The following EIF2B3 variants were observed in gnomAD, a reference collection of about 807,000 sequenced individuals.
EIF2B3 encodes the protein translation initiation factor eIF2B subunit gamma.
In EIF2B3, 20 loss-of-function variants were observed where a neutral mutation model predicts 54.1. The observed-to-expected ratio is 0.37, with a 90% CI of 0.26 to 0.54. The LOEUF (loss-of-function observed/expected upper bound fraction) is 0.54, where lower values mean the gene tolerates loss of function less well. EIF2B3 is among the 20% of genes least tolerant of loss of function. EIF2B3 has a pLI of 0.86. For synonymous variants in EIF2B3, 153 were observed against 188.1 expected, an observed-to-expected ratio of 0.81 and a Z score of 1.52; for missense variants, 448 against 547.8, an observed-to-expected ratio of 0.82 and a Z score of 1.82.
At chr1:44,918,024 C>T (rs1186935614) in intron 5 of EIF2B3, among the ~76,000 whole-genome samples, 1 of 149,232 alleles carries the variant, frequency 6.7e-6, no homozygotes, top group Non-Finnish European at 1.5e-5. Context: ...CCACCCGCCT[C>T]GGCCTCCCAA....
intron 8 of EIF2B3, among the ~76,000 whole-genome samples, chr1:44,879,097 G>C (rs1252309964): frequency 6.6e-6 from 1 of 152,010 alleles, no homozygotes; most frequent in Non-Finnish European, 1.5e-5. Flanking sequence ...TTACTGCTCT[G>C]CATTTCCTTT....
Position 44,981,111 on chromosome 1 carries a change from T to C in EIF2B3, c.58A>G (p.Thr20Ala). The C allele has an allele frequency of 6.2e-7, 1 of 1,613,222 alleles. No homozygotes were observed. Among genetic ancestry groups the C allele is most frequent in the Non-Finnish European group, 8.5e-7 (1 of 1,179,928 alleles). ...VGGGSRMTDLTSSIPKPLLPV... is the reference protein window; with the variant it reads ...VGGGSRMTDLASSIPKPLLPV... ...AGCAGAGGTTTGGGAATGCTGGAAGTTAGGTCTGTCATCCGAGATCCTCCA... is the reference window on the plus strand; with the variant it reads ...AGCAGAGGTTTGGGAATGCTGGAAGCTAGGTCTGTCATCCGAGATCCTCCA... The change falls in exon 2 of 12, where the codon ACT becomes GCT. Residue 20 changes from threonine to alanine, a missense_variant. Physicochemically the swap from Thr to Ala is moderately conservative, Grantham distance 58 (BLOSUM62 0). Around this residue, in one of 3 missense-constraint regions of EIF2B3, gnomAD observed 95 missense variants for 115.7 expected, o/e 0.82. Coordinates refer to ENST00000360403, the MANE Select transcript of EIF2B3 (RefSeq NM_020365.5).
At chr1:44,948,781 T>C (rs764895025) in intron 3 of EIF2B3, among the ~76,000 whole-genome samples, 99 of 152,276 alleles carry the variant, frequency 6.5e-4, no homozygotes, top group Non-Finnish European at 1.3e-3. Flanking sequence ...CTTCAAAATA[T>C]GACTCCACCT....
In EIF2B3 at chr1:44,952,237, A is replaced by G. The variant is rs1230844285; in HGVS notation, c.295-10572T>C. Among the ~76,000 whole-genome samples the G allele has an allele frequency of 4.6e-5, 5 of 109,076 alleles. 1 individual carries two copies. The highest frequency in any genetic ancestry group is 1.0e-4 in the Non-Finnish European group (5 of 48,764). The allele number at this position is 109,076 out of a possible 152,430, so 71.6% of individuals were successfully genotyped here. On this transcript the variant is annotated intron_variant, in intron 3 of 11. Coordinates refer to ENST00000360403, the MANE Select transcript of EIF2B3 (RefSeq NM_020365.5). The stretch of plus-strand genomic sequence containing the variant: ...CTCGGCCTCCCAAAGTGCTGGGATT[A>G]CAGGCGTGAGCCACCGCGCCCGGCC...
Position 44,964,499 on chromosome 1 carries a change from T to C in EIF2B3, c.294+13816A>G, listed in dbSNP as rs1449328228. ...CAACTGAAAATAACTTGCATTTAGCTTTTTGAACATCTGAAAATAGTACAT... is the reference window on the plus strand; with the variant it reads ...CAACTGAAAATAACTTGCATTTAGCCTTTTGAACATCTGAAAATAGTACAT... On this transcript the variant is annotated intron_variant, in intron 3 of 11. Transcript: ENST00000360403. Among the ~76,000 whole-genome samples the C allele has an allele frequency of 1.3e-5, 2 of 152,256 alleles. 1 individual carries two copies.
intron 11 of EIF2B3, among the ~76,000 whole-genome samples, chr1:44,855,532 T>C (rs1654406963): frequency 1.3e-5 from 2 of 152,186 alleles, no homozygotes; most frequent in Admixed American, 6.5e-5. Flanking sequence ...GGGATGCATA[T>C]AGTTATGAGA....
chr1:44,896,472 C>T (rs775347790), intron 6 of EIF2B3, among the ~76,000 whole-genome samples: 50 of 152,154 alleles, frequency 3.3e-4, no homozygotes, highest in Admixed American at 6.6e-4. Flanking sequence ...AGTCCATCAG[C>T]CAAAGGCAGA....
At chr1:44,920,910 G>A (rs1193669896) in intron 5 of EIF2B3, among the ~76,000 whole-genome samples, 1 of 152,198 alleles carries the variant, frequency 6.6e-6, no homozygotes, top group Non-Finnish European at 1.5e-5. Context: ...ATACCTAGGA[G>A]TGGGATTGCT....
chr1:44,923,484 C>T (rs563662408), intron 5 of EIF2B3, among the ~76,000 whole-genome samples: 12 of 152,226 alleles, frequency 7.9e-5, no homozygotes, highest in East Asian at 5.8e-4. Context: ...CTCTCCTCTC[C>T]GGGAGCTTGT....
chr1:44,875,733 C>T, intron 8 of EIF2B3, 38 bp from the exon 9 acceptor site: 2 of 1,551,658 alleles, frequency 1.3e-6, no homozygotes, highest in Non-Finnish European at 1.8e-6. Context: ...GATCAGAAAA[C>T]ACCTTAGGTA....
At chr1:44,873,562 C>T (rs1276188800) in intron 10 of EIF2B3, among the ~76,000 whole-genome samples, 1 of 152,128 alleles carries the variant, frequency 6.6e-6, no homozygotes, top group East Asian at 1.9e-4. Context: ...CCATAGCAAA[C>T]TATGGTCTTT....
intron 3 of EIF2B3, among the ~76,000 whole-genome samples, chr1:44,977,762 G>A (rs1644467817): frequency 6.6e-6 from 1 of 152,138 alleles, no homozygotes; most frequent in African/African-American, 2.4e-5. Context: ...GCCTGGCCTA[G>A]AGTATGTCTT....
At chr1:44,864,393 G>A (rs915620986) in intron 10 of EIF2B3, among the ~76,000 whole-genome samples, 21 of 151,920 alleles carry the variant, frequency 1.4e-4, no homozygotes, top group African/African-American at 4.6e-4. Context: ...AGCAAACCCC[G>A]TCTACTAAAA....
At chr1:44,930,200 T>C (rs889815628) in intron 4 of EIF2B3, among the ~76,000 whole-genome samples, 8 of 152,342 alleles carry the variant, frequency 5.3e-5, no homozygotes, top group African/African-American at 1.9e-4. Flanking sequence ...TTTGTACACC[T>C]ACCCTATGGT....
chr1:44,884,550 G>A (rs1283856831), intron 6 of EIF2B3, among the ~76,000 whole-genome samples: 1 of 152,206 alleles, frequency 6.6e-6, no homozygotes, highest in South Asian at 2.1e-4. Flanking sequence ...GTGAGCTCTT[G>A]TATTGAATTT....
intron 3 of EIF2B3, among the ~76,000 whole-genome samples, chr1:44,949,294 T>C (rs980767713): frequency 2.6e-5 from 4 of 152,220 alleles, no homozygotes; most frequent in African/African-American, 9.6e-5. Context: ...GCAGAGCCGA[T>C]ATATTATCTC....
chr1:44,902,771 C>T (rs114833), intron 5 of EIF2B3, among the ~76,000 whole-genome samples: 37,297 of 137,702 alleles, frequency 0.27, 5,839 homozygotes, highest in African/African-American at 0.47. Flanking sequence ...GAGGCTGCTG[C>T]GAGCCATGAA....
At chr1:44,923,803 T>C (rs1368027727) in intron 5 of EIF2B3, among the ~76,000 whole-genome samples, 1 of 149,468 alleles carries the variant, frequency 6.7e-6, no homozygotes, top group Non-Finnish European at 1.5e-5. Context: ...CTTTCTCTCT[T>C]TCTTTCTTTC....
intron 4 of EIF2B3, 114 bp downstream of exon 4, chr1:44,941,392 C>T: frequency 7.9e-7 from 1 of 1,265,720 alleles, no homozygotes; most frequent in Non-Finnish European, 1.1e-6. Flanking sequence ...CAACTCCTAG[C>T]ACAGAATCTG....
Sources: allele counts gnomAD v4.1 joint callset (sites outside exome capture counted in the v4.1 genomes callset), GRCh38; gene constraint gnomAD v4.1.1; regional missense constraint gnomAD v4.1.1; transcripts MANE v1.5; gene names NCBI Gene and HGNC (gene_info 2026-07-23, HGNC 2026-07-21).